KCNMA1: variants seen among roughly 807,000 people sequenced by gnomAD.
KCNMA1 encodes the protein Calcium-activated potassium channel subunit alpha-1.
A neutral mutation model predicts 140.0 loss-of-function variants in KCNMA1; 29 were observed. That is an observed-to-expected ratio of 0.21 (90% CI 0.15 to 0.28). KCNMA1 has a LOEUF of 0.28. KCNMA1 is among the 10% of genes least tolerant of loss of function. The probability of loss-of-function intolerance (pLI) is 1.00; values close to 1 mark genes in which losing one functional copy is unlikely to be tolerated. For synonymous variants in KCNMA1, 612 were observed against 611.9 expected (o/e 1.00, Z 0.00); for missense variants, 880 against 1,602.2 (o/e 0.55, Z 7.70).
intron 3 of KCNMA1, among the ~76,000 whole-genome samples, chr10:77,246,981 G>T (rs2058671508): frequency 6.6e-6 from 1 of 152,170 alleles, no homozygotes; most frequent in Non-Finnish European, 1.5e-5. Context: ...CCATTTTGGA[G>T]CAGATAAAGT....
intron 16 of KCNMA1, among the ~76,000 whole-genome samples, chr10:77,026,352 G>A (rs914429330): frequency 1.3e-5 from 2 of 152,160 alleles, no homozygotes; most frequent in South Asian, 4.1e-4. Context: ...AAAGTAAATA[G>A]AGAACACTGA....
At chr10:77,051,195 T>C (rs1489054836) in intron 14 of KCNMA1, among the ~76,000 whole-genome samples, 1 of 152,224 alleles carries the variant, frequency 6.6e-6, no homozygotes, top group Non-Finnish European at 1.5e-5. Context: ...AACCCAGTCC[T>C]GTTTTAGTGA....
intron 14 of KCNMA1, among the ~76,000 whole-genome samples, chr10:77,056,678 G>T (rs563044416): frequency 6.6e-6 from 1 of 152,028 alleles, no homozygotes; most frequent in East Asian, 1.9e-4. Context: ...AACTAAGAAA[G>T]AACACATTTG....
intron 14 of KCNMA1, among the ~76,000 whole-genome samples, chr10:77,056,210 T>A: frequency 6.6e-6 from 1 of 152,064 alleles, no homozygotes; most frequent in East Asian, 1.9e-4. Context: ...CAAAACCCTG[T>A]TTCTACTAAA....
At chr10:77,458,623 T>C (rs748142311) in intron 1 of KCNMA1, among the ~76,000 whole-genome samples, 3 of 152,220 alleles carry the variant, frequency 2.0e-5, no homozygotes, top group Non-Finnish European at 4.4e-5. Context: ...CTTACATGAA[T>C]AGTTTATTTG....
At chr10:77,208,762 C>A (rs1310928748) in intron 3 of KCNMA1, among the ~76,000 whole-genome samples, 1 of 152,108 alleles carries the variant, frequency 6.6e-6, no homozygotes, top group African/African-American at 2.4e-5. Flanking sequence ...GTTTTTCATG[C>A]ACAGGCAAGA....
chr10:77,079,655 T>C, intron 12 of KCNMA1, 105 bp from the exon 13 acceptor site: 1 of 800,778 alleles, frequency 1.2e-6, no homozygotes, highest in Non-Finnish European at 2.2e-6. Context: ...GGGACTGAGG[T>C]AGGAGGCAGG....
intron 5 of KCNMA1, among the ~76,000 whole-genome samples, chr10:77,135,417 A>G (rs533547192): frequency 1.3e-5 from 2 of 152,320 alleles, no homozygotes; most frequent in East Asian, 3.9e-4. Context: ...ACTATTTTCC[A>G]TTATGGAAAA....
At chr10:77,453,774 T>C (rs1369450200) in intron 1 of KCNMA1, among the ~76,000 whole-genome samples, 1 of 152,152 alleles carries the variant, frequency 6.6e-6, no homozygotes, top group Non-Finnish European at 1.5e-5. Flanking sequence ...TAGCTAAGTA[T>C]TGGTGGACAC....
intron 1 of KCNMA1, among the ~76,000 whole-genome samples, chr10:77,435,075 CAG>C (rs2097230976): frequency 6.6e-6 from 1 of 151,968 alleles, no homozygotes; most frequent in Non-Finnish European, 1.5e-5. Context: ...GCTGGGACTA[CAG>C]GCATGTGCTA....
intron 1 of KCNMA1, among the ~76,000 whole-genome samples, chr10:77,423,348 G>A (rs1283796575): frequency 6.6e-6 from 1 of 152,158 alleles, no homozygotes; most frequent in Admixed American, 6.5e-5. Flanking sequence ...TTCTCCTCTA[G>A]TTCTGAGCTA....
Position 77,288,844 on chromosome 10 carries a change from A to T in KCNMA1, c.541-37588T>A, listed in dbSNP as rs1770818930. 1.3e-5 allele frequency among the ~76,000 whole-genome samples: 2 copies of T among 152,240 alleles called. 1 individual carries two copies. Among genetic ancestry groups the T allele is most frequent in the South Asian group, 4.1e-4 (2 of 4,834 alleles). ...TTAACAAGCTTTTTTTGAGAGACAA[A>T]GAAGTGGAGTTTCATAACATAACCT... On this transcript the variant is annotated intron_variant, in intron 2 of 27. Transcript: ENST00000286628.
At chr10:77,358,396 C>A (rs1020664144) in intron 2 of KCNMA1, among the ~76,000 whole-genome samples, 16 of 152,166 alleles carry the variant, frequency 1.1e-4, no homozygotes, top group South Asian at 4.1e-4. Flanking sequence ...GCATCTCCCC[C>A]ACCTTCTCAC....
At chr10:77,200,423 T>A (rs1285586803) in intron 3 of KCNMA1, among the ~76,000 whole-genome samples, 1 of 152,244 alleles carries the variant, frequency 6.6e-6, no homozygotes, top group Non-Finnish European at 1.5e-5. Flanking sequence ...AAGATGAGCA[T>A]CATTGTTGCC....
At chr10:77,027,373 G>A (rs2093556382) in intron 16 of KCNMA1, among the ~76,000 whole-genome samples, 1 of 152,118 alleles carries the variant, frequency 6.6e-6, no homozygotes, top group East Asian at 1.9e-4. Flanking sequence ...AGCACATATG[G>A]TACACAATAG....
intron 14 of KCNMA1, among the ~76,000 whole-genome samples, chr10:77,046,012 GA>G (rs2095032073): frequency 6.6e-6 from 1 of 152,022 alleles, no homozygotes; most frequent in Non-Finnish European, 1.5e-5. Flanking sequence ...GCACTAAAAG[GA>G]AATTATAAAA....
intron 1 of KCNMA1, among the ~76,000 whole-genome samples, chr10:77,549,091 C>T (rs1357996526): frequency 1.3e-5 from 2 of 152,204 alleles, no homozygotes; most frequent in Non-Finnish European, 2.9e-5. Context: ...AAAAGTCATT[C>T]ATTGGGAACT....
At position 77,171,380 on chromosome 10, in the gene KCNMA1, C is replaced by CGTGTGCGTGTGTGT. The variant is rs1418622309; in HGVS notation, c.808+12027_808+12040dup. On this transcript the variant is annotated intron_variant, in intron 5 of 27. Coordinates refer to ENST00000286628, the MANE Select transcript of KCNMA1 (RefSeq NM_001161352.2). The stretch of plus-strand genomic sequence containing the variant: ...CTCACAGAATAGATTTCGGAAAGTA[C>CGTGTGCGTGTGTGT]GTGTGCGTGTGTGTGTGTGCGTGTG... 1.8e-4 allele frequency among the ~76,000 whole-genome samples: 25 copies of CGTGTGCGTGTGTGT among 136,022 alleles called. 1 individual carries two copies. In the East Asian group the frequency reaches 4.6e-3, roughly 25 times the overall value. The allele number at this position is 136,022 out of a possible 152,430, so 89.2% of individuals were successfully genotyped here.
At chr10:77,240,268 T>A (rs1001785536) in intron 3 of KCNMA1, among the ~76,000 whole-genome samples, 3 of 152,114 alleles carry the variant, frequency 2.0e-5, no homozygotes, top group African/African-American at 7.2e-5. Context: ...TGATGTAGAG[T>A]TAGTGATATG....
Sources: allele counts gnomAD v4.1 joint callset (sites outside exome capture counted in the v4.1 genomes callset), GRCh38; gene constraint gnomAD v4.1.1; transcripts MANE v1.5; gene names NCBI Gene and HGNC (gene_info 2026-07-23, HGNC 2026-07-21).